The following NBEAL2 variants were observed in gnomAD, a reference collection of about 807,000 sequenced individuals.
The protein encoded by NBEAL2 is neurobeachin-like protein 2.
In NBEAL2, 160 loss-of-function variants were observed where a neutral mutation model predicts 299.8. That is an observed-to-expected ratio of 0.53 (90% CI 0.47 to 0.61). The LOEUF is 0.61. NBEAL2 is among the 20% of genes least tolerant of loss of function. The pLI, the probability that NBEAL2 is intolerant of heterozygous loss-of-function variation, is 0.00. For missense variants in NBEAL2, 3,112 were observed against 3,649.0 expected (o/e 0.85, Z 3.79); for synonymous variants, 1,493 against 1,542.3 (o/e 0.97, Z 0.75).
chr3:47,007,555 G>T lies in NBEAL2; in HGVS notation c.7365G>T (p.Val2455=). 3 of 1,612,480 alleles carry T rather than the reference G, an allele frequency of 1.9e-6. No individual in the cohort carries two copies. The highest frequency in any genetic ancestry group is 2.5e-6 in the Non-Finnish European group (3 of 1,179,618). ...AGCGACTGCTGAGTGGCCCGTGGGTGCCAGGCAGTGGTGTGAGTGGACAAG... is the reference window on the plus strand; with the variant it reads ...AGCGACTGCTGAGTGGCCCGTGGGTTCCAGGCAGTGGTGTGAGTGGACAAG... The part of the protein sequence containing the change: ...KTQRLLSGPW[V]PGSGVSGQAL... The change falls in exon 48 of 54, where the codon GTG becomes GTT. Residue 2455 remains valine, a synonymous_variant. Transcript: ENST00000450053.
In NBEAL2 at chr3:46,995,519, T is replaced by C; in HGVS notation, c.1784T>C (p.Val595Ala). The change falls in exon 13 of 54, where the codon GTA (valine) becomes GCA (alanine). Residue 595 changes from valine (V) to alanine (A), a missense_variant. Physicochemically the swap from Val to Ala is moderately conservative, Grantham distance 64. Around this residue, in one of 3 missense-constraint regions of NBEAL2, gnomAD observed 2,243 missense variants for 2,538.1 expected, o/e 0.88. Transcript: ENST00000450053. ...ATGGCGGGCATCATGGTACCCCCTG[T>C]ACAGCGATGGCCAGGGCCTGGCTTC... ...PSMAGIMVPPVQRWPGPGFTF... is the reference protein window; with the variant it reads ...PSMAGIMVPPAQRWPGPGFTF... The C allele has an allele frequency of 6.2e-7, 1 of 1,612,864 alleles. No individual in the cohort carries two copies. The highest frequency in any genetic ancestry group is 8.5e-7 in the Non-Finnish European group (1 of 1,179,874).
Position 47,002,819 on chromosome 3 carries a change from G to T in NBEAL2, c.5459+17G>T. Reference sequence around the variant, plus strand: ...GGCGCTGAGGTGGGCCGGGCTTGGGGCAGGGTCGCTGTGGAGGGGTGGGGC... The same window carrying T: ...GGCGCTGAGGTGGGCCGGGCTTGGGTCAGGGTCGCTGTGGAGGGGTGGGGC... On this transcript the variant is annotated intron_variant, in intron 33 of 53. Coordinates refer to ENST00000450053, the MANE Select transcript of NBEAL2 (RefSeq NM_015175.3). 3 of 1,540,542 alleles carry T rather than the reference G, an allele frequency of 1.9e-6. No individual in the cohort carries two copies. The highest frequency in any genetic ancestry group is 2.6e-6 in the Non-Finnish European group (3 of 1,144,750).
rs1165780856 is a variant in NBEAL2, at chr3:47,001,177, C to T, written c.4482C>T (p.Arg1494=). 2 of 1,610,002 alleles carry T rather than the reference C, an allele frequency of 1.2e-6. No homozygotes were observed. Among genetic ancestry groups the T allele is most frequent in the East Asian group, 4.5e-5 (2 of 44,796 alleles). Residue 1494 remains arginine, a splice_region_variant and synonymous_variant, in exon 28 of 54, where the codon CGC becomes CGT. Coordinates refer to ENST00000450053, the MANE Select transcript of NBEAL2 (RefSeq NM_015175.3). This position sits in a 1 kb window ranked among gnomAD's most constrained non-coding sequence, Gnocchi z 6.1. ...TGCGCCCACCAGACTGCATCAAGCGCAGGTGAGAGGGAAAGTCTGGAGGGG... is the reference window on the plus strand; with the variant it reads ...TGCGCCCACCAGACTGCATCAAGCGTAGGTGAGAGGGAAAGTCTGGAGGGG... ...TLVRPPDCIK[R]SLLEMMLESA...
Position 47,000,550 on chromosome 3 carries a change from T to G in NBEAL2, c.4305+146T>G. ...GGTCAGGCCTATTGCTGTCCCCTCA[T>G]AGCTCTCATCTGCAGTTGTGTTCCC... On this transcript the variant is annotated intron_variant, in intron 27 of 53. Transcript: ENST00000450053. The surrounding 1 kb of genome is among the most constrained non-coding windows in gnomAD (Gnocchi z 4.5). 1.9e-6 allele frequency: 2 copies of G among 1,067,734 alleles called. No individual in the cohort carries two copies. The highest frequency in any genetic ancestry group is 2.7e-6 in the Non-Finnish European group (2 of 751,248). The allele number at this position is 1,067,734 out of a possible 1,614,324, so 66.1% of individuals were successfully genotyped here.
chr3:46,998,709 C>G lies in NBEAL2; in HGVS notation c.3222-8C>G. On this transcript the variant is annotated splice_region_variant and splice_polypyrimidine_tract_variant and intron_variant, in intron 22 of 53. Coordinates refer to ENST00000450053, the MANE Select transcript of NBEAL2 (RefSeq NM_015175.3). ...GGACCTGGCTGGGTGTGCCTACTGA[C>G]CTGCCAGCCCGCAGCGGGAGCGCCC... is the stretch of plus-strand genomic sequence containing the variant. 3 of 1,571,346 alleles carry G rather than the reference C, an allele frequency of 1.9e-6. No individual in the cohort carries two copies. Among genetic ancestry groups the G allele is most frequent in the Non-Finnish European group, 2.6e-6 (3 of 1,156,614 alleles).
At position 47,001,240 on chromosome 3, in the gene NBEAL2, TAGTC is replaced by T. The variant is rs571730446; in HGVS notation, c.4485-36_4485-33del. The T allele has an allele frequency of 5.1e-4, 815 of 1,600,768 alleles. 2 individuals are homozygous for T. Among genetic ancestry groups the T allele is most frequent in the Middle Eastern group, 3.2e-3 (19 of 6,020 alleles). On this transcript the variant is annotated intron_variant, in intron 28 of 53. Coordinates refer to ENST00000450053, the MANE Select transcript of NBEAL2 (RefSeq NM_015175.3). The surrounding 1 kb of genome is among the most constrained non-coding windows in gnomAD (Gnocchi z 6.1). ...GAAGCCTCGGGGGAAGGAGAGAAGA[TAGTC>T]AGGTAGACCCTTGAGTTCCCCACTC...
rs1273885811 is a variant in NBEAL2 at position 47,001,531 on chromosome 3, C to T, written c.4644+93C>T. 41 of 1,551,294 alleles carry T rather than the reference C, an allele frequency of 2.6e-5. No individual in the cohort carries two copies. The highest frequency in any genetic ancestry group is 2.4e-5 in the Non-Finnish European group (28 of 1,145,550). On this transcript the variant is annotated intron_variant, in intron 29 of 53. Transcript: ENST00000450053. This position sits in a 1 kb window ranked among gnomAD's most constrained non-coding sequence, Gnocchi z 6.1. Reference sequence around the variant, plus strand: ...TCTGGGAGGTGGATGGGTACACGTGCGCAGGTGTGGGTGCATCAGCATGAA... The same window carrying T: ...TCTGGGAGGTGGATGGGTACACGTGTGCAGGTGTGGGTGCATCAGCATGAA...
intron 1 of NBEAL2, among the ~76,000 whole-genome samples, chr3:46,980,654 A>G (rs1022851116): frequency 6.6e-5 from 10 of 152,010 alleles, no homozygotes; most frequent in African/African-American, 2.4e-4. Flanking sequence ...TGAGCTCCCC[A>G]CCCATCTCAG....
chr3:46,994,393 G>A, intron 11 of NBEAL2, 62 bp from the exon 12 acceptor site: 2 of 1,442,554 alleles, frequency 1.4e-6, no homozygotes, highest in South Asian at 2.4e-5. Context: ...GTTTCCAGGG[G>A]GTCTGAGTTT....
Position 46,989,191 on chromosome 3 carries a change from G to A in NBEAL2, c.351+25G>A, listed in dbSNP as rs752385698. The A allele has an allele frequency of 6.8e-6, 11 of 1,613,628 alleles. No homozygotes were observed. The highest frequency in any genetic ancestry group is 5.0e-5 in the Admixed American group (3 of 59,962). Reference sequence around the variant, plus strand: ...GGTGAAGTGGCCTCTACCTTGGGGGGCAGAGGGTGTATGCAGGGAGGCAGG... The same window carrying A: ...GGTGAAGTGGCCTCTACCTTGGGGGACAGAGGGTGTATGCAGGGAGGCAGG... On this transcript the variant is annotated intron_variant, in intron 4 of 53. Coordinates refer to ENST00000450053, the MANE Select transcript of NBEAL2 (RefSeq NM_015175.3). This position sits in a 1 kb window ranked among gnomAD's most constrained non-coding sequence, Gnocchi z 5.5.
In NBEAL2 at chr3:47,009,107, G is replaced by A. The variant is rs752857502; in HGVS notation, c.8146G>A (p.Ala2716Thr). The A allele has an allele frequency of 1.3e-6, 2 of 1,592,070 alleles. No individual in the cohort carries two copies. Among genetic ancestry groups the A allele is most frequent in the African/African-American group, 2.7e-5 (2 of 74,698 alleles). ...GGATGGCAAGCTCATCGTGGTGGTC[G>A]CGGGGCAGCCCTCTGAGGTGAGGAT... is the stretch of plus-strand genomic sequence containing the variant. ...LEDGKLIVVV[A>T]GQPSEVRSSQ... Residue 2716 changes from alanine (A) to threonine (T), a missense_variant, in exon 53 of 54, where the codon GCG becomes ACG. Ala to Thr is a moderately conservative substitution (Grantham distance 58). Around this residue, in one of 3 missense-constraint regions of NBEAL2, gnomAD observed 348 missense variants for 381.4 expected, o/e 0.91. Transcript: ENST00000450053.
In NBEAL2 at chr3:47,003,255, A is replaced by G; in HGVS notation, c.5666A>G (p.Glu1889Gly). ...GAGGCCAAAGTGAGCACCCCACCCG[A>G]GTTGCTGCAGGAGGACCAGCTCGGC... is the stretch of plus-strand genomic sequence containing the variant. Reference protein sequence around the residue: ...TKEAKVSTPPELLQEDQLGED... With the variant: ...TKEAKVSTPPGLLQEDQLGED... Residue 1889 changes from glutamate to glycine, a missense_variant, in exon 35 of 54, where the codon GAG (glutamate) becomes GGG (glycine). Glu to Gly is a moderately conservative substitution (Grantham distance 98, BLOSUM62 -2). Around this residue, in one of 3 missense-constraint regions of NBEAL2, gnomAD observed 2,243 missense variants for 2,538.1 expected, o/e 0.88. Coordinates refer to ENST00000450053, the MANE Select transcript of NBEAL2 (RefSeq NM_015175.3). The surrounding 1 kb of genome is among the most constrained non-coding windows in gnomAD (Gnocchi z 7.0). 1.2e-6 allele frequency: 2 copies of G among 1,613,098 alleles called. No homozygotes were observed. The highest frequency in any genetic ancestry group is 1.7e-6 in the Non-Finnish European group (2 of 1,179,816).
chr3:46,986,443 G>T (rs796388253), intron 1 of NBEAL2, among the ~76,000 whole-genome samples: 8 of 152,194 alleles, frequency 5.3e-5, no homozygotes, highest in Non-Finnish European at 8.8e-5. Flanking sequence ...AACCACAGAG[G>T]GGGAGAGGTG....
chr3:47,008,029 G>T, intron 49 of NBEAL2, 41 bp from the exon 50 acceptor site: 3 of 1,603,798 alleles, frequency 1.9e-6, no homozygotes, highest in Non-Finnish European at 2.6e-6. Context: ...CATTTCCTGA[G>T]CCTCAGGGGA....
rs115611407 is a variant in NBEAL2 at position 46,995,088 on chromosome 3, G to A, written c.1353G>A (p.Pro451=). ...CTCCACCAATCCGCAACGAGCAGCC[G>A]GTACTGGTGCTGGCGCAGTGGCTGC... is the stretch of plus-strand genomic sequence containing the variant. The part of the protein sequence containing the change: ...CPPPPIRNEQ[P]VLVLAQWLPS... Residue 451 remains proline (P), a synonymous_variant, in exon 13 of 54, where the codon CCG becomes CCA. Coordinates refer to ENST00000450053, the MANE Select transcript of NBEAL2 (RefSeq NM_015175.3). 0.028 allele frequency: 43,181 copies of A among 1,567,158 alleles called. 1,915 individuals are homozygous for A. Among genetic ancestry groups the A allele is most frequent in the Admixed American group, 0.18 (9,786 of 54,420 alleles).
chr3:46,980,640 C>T (rs2035263434), intron 1 of NBEAL2, among the ~76,000 whole-genome samples: 1 of 152,162 alleles, frequency 6.6e-6, no homozygotes, highest in Admixed American at 6.5e-5. Flanking sequence ...AGGCCCGTTC[C>T]TCCTGAGCTC....
At chr3:46,986,189 G>C (rs540846828) in intron 1 of NBEAL2, among the ~76,000 whole-genome samples, 1 of 152,322 alleles carries the variant, frequency 6.6e-6, no homozygotes, top group Admixed American at 6.5e-5. Flanking sequence ...CCTGAACCCA[G>C]CTCAGCCCAA....
Position 47,002,507 on chromosome 3 carries a change from G to A in NBEAL2, c.5288G>A (p.Arg1763His), listed in dbSNP as rs374607617. The A allele has an allele frequency of 1.4e-5, 23 of 1,612,638 alleles. No homozygotes were observed. The highest frequency in any genetic ancestry group is 8.3e-5 in the Admixed American group (5 of 60,010). ...QRRQWERAQS[R>H]RAFQELVLEP... ...CGCCAGTGGGAGCGCGCCCAGAGTC[G>A]TCGGGCCTTCCAGGTGTGCCACCCG... is the stretch of plus-strand genomic sequence containing the variant. The change falls in exon 32 of 54, where the codon CGT (arginine) becomes CAT (histidine). Residue 1763 changes from arginine (R) to histidine (H), a missense_variant. Coordinates refer to ENST00000450053, the MANE Select transcript of NBEAL2 (RefSeq NM_015175.3).
In NBEAL2 at chr3:47,001,858, C is replaced by T. The variant is rs776619388; in HGVS notation, c.4782+32C>T. 1.9e-5 allele frequency: 31 copies of T among 1,610,648 alleles called. No homozygotes were observed. The highest frequency in any genetic ancestry group is 1.2e-4 in the South Asian group (11 of 91,074). On this transcript the variant is annotated intron_variant, in intron 30 of 53. Coordinates refer to ENST00000450053, the MANE Select transcript of NBEAL2 (RefSeq NM_015175.3). The surrounding 1 kb of genome is among the most constrained non-coding windows in gnomAD (Gnocchi z 6.1). ...ACAGGGTGAGCATGGGGGCAGGGGG[C>T]GTGTGAGATGTCGGGAGCTCCAAGA...
Sources: gnomAD v4.1 joint callset for allele counts (sites outside exome capture counted in the v4.1 genomes callset) on GRCh38, gnomAD v4.1.1 for gene constraint, gnomAD v4.1.1 regional missense constraint, Gnocchi (gnomAD v3.1) non-coding constraint, MANE v1.5 for transcripts, NCBI Gene and HGNC (gene_info 2026-07-23, HGNC 2026-07-21) for gene names.